The following SPTLC2 variants were observed in gnomAD, a reference collection of about 807,000 sequenced individuals.
The protein encoded by SPTLC2 is serine palmitoyltransferase long chain base subunit 2, also known as serine palmitoyltransferase 2.
In SPTLC2, 21 loss-of-function variants were observed where a neutral mutation model predicts 62.0. The ratio of observed to expected loss-of-function variants is 0.34; its 90% CI spans 0.24 to 0.49. The LOEUF is 0.49. Among genes scored for constraint, SPTLC2 ranks in the 20% least tolerant of loss-of-function variants. The pLI, the probability that SPTLC2 is intolerant of heterozygous loss-of-function variation, is 0.99. For missense variants in SPTLC2, 511 were observed against 713.0 expected, an observed-to-expected ratio of 0.72 and a Z score of 3.23; for synonymous variants, 261 against 261.8, an observed-to-expected ratio of 1.00 and a Z score of 0.03.
intron 2 of SPTLC2, among the ~76,000 whole-genome samples, chr14:77,596,586 A>G (rs1438539553): frequency 6.6e-6 from 1 of 151,464 alleles, no homozygotes; most frequent in Non-Finnish European, 1.5e-5. Flanking sequence ...GTGAATGAAG[A>G]AGCCCTCTTC....
At position 77,506,206 on chromosome 14, in the gene SPTLC2, AAG is replaced by A. The variant is rs2079304188; in HGVS notation, c.*6076_*6077del. On this transcript the variant is annotated 3_prime_UTR_variant, in exon 12 of 12. Transcript: ENST00000216484. ...ATCTGGCAAAAAAGGGAAACAGGGT[AAG>A]AGAGAGTGACATTTTAACACATTAC... 1 of 152,266 alleles carries A rather than the reference AAG, an allele frequency of 6.6e-6. No individual in the cohort carries two copies. The allele number at this position is 152,266 out of a possible 1,614,324, so 9.4% of individuals were successfully genotyped here.
At position 77,579,026 on chromosome 14, in the gene SPTLC2, T is replaced by G. The variant is rs773519459; in HGVS notation, c.411A>C (p.Pro137=). ...YMRIRDNWNR[P]ICSVPGARVD... ...CCCTGGCTCCAGGCACACTACAGAT[T>G]GGCCGATTCCAGTTGTCTCTTATCC... The change falls in exon 3 of 12, where the codon CCA becomes CCC. Residue 137 remains proline (P), a synonymous_variant. Transcript: ENST00000216484. 7.4e-6 allele frequency: 12 copies of G among 1,614,008 alleles called. No homozygotes were observed. The highest frequency in any genetic ancestry group is 5.1e-6 in the Non-Finnish European group (6 of 1,180,020).
intron 2 of SPTLC2, among the ~76,000 whole-genome samples, chr14:77,596,255 T>A (rs1434129523): frequency 6.6e-6 from 1 of 150,916 alleles, no homozygotes; most frequent in African/African-American, 2.4e-5. Context: ...CAGAGAATGG[T>A]GTGAACCCGG....
intron 5 of SPTLC2, among the ~76,000 whole-genome samples, chr14:77,569,761 T>C (rs1425938090): frequency 7.0e-6 from 1 of 143,754 alleles, no homozygotes; most frequent in Non-Finnish European, 1.5e-5. Context: ...TGGGGATATA[T>C]ATATTATATA....
In SPTLC2 at chr14:77,507,610, G is replaced by GCA. The variant is rs58831828; in HGVS notation, c.*4673_*4674insTG. The GCA allele has an allele frequency of 0.84, 128,197 of 152,190 alleles. 55,442 individuals carry two copies. The highest frequency in any genetic ancestry group is 1 in the East Asian group (5,180 of 5,184). 9.4% of individuals were successfully genotyped at this position (152,190 alleles called of 1,614,324 possible). A position where few individuals can be genotyped will look rare whatever the true frequency, so the allele number is the denominator to read the frequency against. On this transcript the variant is annotated 3_prime_UTR_variant, in exon 12 of 12. Transcript: ENST00000216484. ...GCCTCCCAAAGTGTTGGGATTACAG[G>GCA]TGAGCCACTGCGCCCAGCCATGGGC...
chr14:77,540,713 G>A (rs939159119), intron 9 of SPTLC2, among the ~76,000 whole-genome samples: 7 of 152,064 alleles, frequency 4.6e-5, no homozygotes, highest in African/African-American at 1.2e-4. Context: ...GACCTCAAGC[G>A]ATCACCCACC....
intron 8 of SPTLC2, among the ~76,000 whole-genome samples, chr14:77,552,677 G>A (rs949505426): frequency 3.3e-5 from 5 of 151,912 alleles, no homozygotes; most frequent in Non-Finnish European, 4.4e-5. Context: ...GTGGAGGCGG[G>A]CACCTATAAT....
chr14:77,610,992 C>CAAAAAAAAAA (rs61504970), intron 1 of SPTLC2, among the ~76,000 whole-genome samples: 1 of 106,882 alleles, frequency 9.4e-6, no homozygotes. Flanking sequence ...CCCATCTCTA[C>CAAAAAAAAAA]AAAAAAAAAA....
chr14:77,597,229 C>T lies in SPTLC2; in HGVS notation c.284G>A (p.Arg95Lys). Reference protein sequence around the residue: ...GYLRDFLRYWRIEKCHHATER... With the variant: ...GYLRDFLRYWKIEKCHHATER... ...TGTTGCATGGTGACACTTTTCAATT[C>T]TCCAATACCTCAAGAAATCTCGAAG... The change falls in exon 2 of 12, where the codon AGA (arginine) becomes AAA (lysine). Residue 95 changes from arginine to lysine, a missense_variant. By Grantham distance (26) the Arg-to-Lys change is conservative. Coordinates refer to ENST00000216484, the MANE Select transcript of SPTLC2 (RefSeq NM_004863.4). The T allele has an allele frequency of 1.2e-6, 2 of 1,614,160 alleles. No individual in the cohort carries two copies. The highest frequency in any genetic ancestry group is 2.2e-5 in the South Asian group (2 of 91,082).
At position 77,518,022 on chromosome 14, in the gene SPTLC2, G is replaced by A. The variant is rs756795773; in HGVS notation, c.1569+16C>T. ...ATAAAAGGCATATTTATATCAAGGTGAAAGTGCCTACTTACAGTATCAAGT... is the reference window on the plus strand; with the variant it reads ...ATAAAAGGCATATTTATATCAAGGTAAAAGTGCCTACTTACAGTATCAAGT... On this transcript the variant is annotated intron_variant, in intron 11 of 11. Transcript: ENST00000216484. 2.7e-5 allele frequency: 44 copies of A among 1,614,016 alleles called. No individual in the cohort carries two copies. In the African/African-American group the frequency reaches 4.8e-4, roughly 18 times the overall value.
At chr14:77,537,620 C>T (rs2079477994) in intron 9 of SPTLC2, among the ~76,000 whole-genome samples, 1 of 152,164 alleles carries the variant, frequency 6.6e-6, no homozygotes, top group African/African-American at 2.4e-5. Context: ...TCATCTAATA[C>T]ATTAATAAAT....
intron 4 of SPTLC2, among the ~76,000 whole-genome samples, chr14:77,574,707 T>C (rs895565477): frequency 6.6e-6 from 1 of 152,152 alleles, no homozygotes; most frequent in African/African-American, 2.4e-5. Flanking sequence ...ATGGATGAAT[T>C]TGAAAATATT....
chr14:77,519,941 CAT>C (rs1162263213), intron 10 of SPTLC2, among the ~76,000 whole-genome samples: 4 of 152,128 alleles, frequency 2.6e-5, no homozygotes, highest in Non-Finnish European at 5.9e-5. Flanking sequence ...AACAAACACA[CAT>C]CTTAATGCCT....
chr14:77,603,576 A>C (rs2079889243), intron 1 of SPTLC2, among the ~76,000 whole-genome samples: 1 of 152,220 alleles, frequency 6.6e-6, no homozygotes, highest in Admixed American at 6.5e-5. Context: ...GAAAAGTAGA[A>C]GTCCATAGTT....
chr14:77,565,553 C>T lies in SPTLC2; in HGVS notation c.757-3064G>A, dbSNP rs566476633. Among the ~76,000 whole-genome samples the T allele has an allele frequency of 3.3e-5, 5 of 152,256 alleles. No homozygotes were observed. In the East Asian group the frequency reaches 7.7e-4, roughly 23 times the overall value. Reference sequence around the variant, plus strand: ...CTGTGGTAGCTTTCTCAATAACGCACGGACTCAATCAAACCATAACAACAC... The same window carrying T: ...CTGTGGTAGCTTTCTCAATAACGCATGGACTCAATCAAACCATAACAACAC... On this transcript the variant is annotated intron_variant, in intron 5 of 11. Transcript: ENST00000216484.
intron 2 of SPTLC2, among the ~76,000 whole-genome samples, chr14:77,596,195 C>A (rs553214255): frequency 6.6e-6 from 1 of 152,184 alleles, no homozygotes; most frequent in African/African-American, 2.4e-5. Context: ...AAAAATTAGC[C>A]GGGCACGGTG....
Position 77,593,026 on chromosome 14 carries a change from C to T in SPTLC2, c.327+4160G>A, listed in dbSNP as rs151124121. ...GCTGAGGCAAGAGAATCACTTGAAC[C>T]GTGGAGGCGGAGATTGCAGTGAGCC... On this transcript the variant is annotated intron_variant, in intron 2 of 11. Transcript: ENST00000216484. Among the ~76,000 whole-genome samples, 157 of 151,334 alleles carry T rather than the reference C, an allele frequency of 1.0e-3. No homozygotes were observed. The East Asian group carries it at 0.025, about 24-fold the overall frequency.
At chr14:77,588,801 G>T (rs1335843336) in intron 2 of SPTLC2, among the ~76,000 whole-genome samples, 1 of 151,594 alleles carries the variant, frequency 6.6e-6, no homozygotes, top group Non-Finnish European at 1.5e-5. Flanking sequence ...AGAAGTTCAA[G>T]ATCAGCCTGG....
intron 1 of SPTLC2, among the ~76,000 whole-genome samples, chr14:77,612,296 C>A (rs2079942283): frequency 6.6e-6 from 1 of 152,166 alleles, no homozygotes; most frequent in Non-Finnish European, 1.5e-5. Flanking sequence ...CATGGGCAAA[C>A]CCTAAAAAGT....
Sources: allele counts gnomAD v4.1 joint callset (sites outside exome capture counted in the v4.1 genomes callset), GRCh38; gene constraint gnomAD v4.1.1; transcripts MANE v1.5; gene names NCBI Gene and HGNC (gene_info 2026-07-23, HGNC 2026-07-21).